Variants in ARID2 observed in about 807,000 individuals in gnomAD.
The protein encoded by ARID2 is AT-rich interaction domain 2.
In ARID2, 32 loss-of-function variants were observed where a neutral mutation model predicts 184.6. That is an observed-to-expected ratio of 0.17 (90% confidence interval 0.13 to 0.23). The LOEUF (loss-of-function observed/expected upper bound fraction) is 0.23. ARID2 is among the 10% of genes least tolerant of loss of function. ARID2 has a pLI of 1.00. For synonymous variants in ARID2, 836 were observed against 772.6 expected, an observed-to-expected ratio of 1.08 and a Z score of -1.36; for missense variants, 1,696 against 2,197.6, an observed-to-expected ratio of 0.77 and a Z score of 4.56.
rs544103235 is a variant in ARID2 at position 45,794,680 on chromosome 12, C to T, written c.285-16738C>T. Among the ~76,000 whole-genome samples, 13 of 152,282 alleles carry T rather than the reference C, an allele frequency of 8.5e-5. No individual in the cohort carries two copies. In the East Asian group the frequency reaches 1.9e-3, roughly 23 times the overall value. Reference sequence around the variant, plus strand: ...TGTTACCCTAATGGTAGAGGGCATTCGTCTTGCGTACTTTAATTGGTTAAA... The same window carrying T: ...TGTTACCCTAATGGTAGAGGGCATTTGTCTTGCGTACTTTAATTGGTTAAA... On this transcript the variant is annotated intron_variant, in intron 3 of 20. Transcript: ENST00000334344.
chr12:45,757,227 T>C (rs1413580220), intron 3 of ARID2, among the ~76,000 whole-genome samples: 1 of 152,216 alleles, frequency 6.6e-6, no homozygotes, highest in Admixed American at 6.5e-5. Flanking sequence ...GTGGAAAATG[T>C]GTTCTGTACT....
intron 4 of ARID2, among the ~76,000 whole-genome samples, chr12:45,817,099 G>T (rs934584648): frequency 6.6e-6 from 1 of 151,730 alleles, no homozygotes; most frequent in Non-Finnish European, 1.5e-5. Flanking sequence ...GCTCATGCAT[G>T]TAATGCAGCA....
Position 45,793,837 on chromosome 12 carries a change from T to G in ARID2, c.285-17581T>G, listed in dbSNP as rs142971739. ...GGTCTGCTGGTTTTAAAAAAAAAAG[T>G]CATTTCTTTTTTTTAGGAAATATTT... On this transcript the variant is annotated intron_variant, in intron 3 of 20. Coordinates refer to ENST00000334344, the MANE Select transcript of ARID2 (RefSeq NM_152641.4). Among the ~76,000 whole-genome samples, 43 of 152,064 alleles carry G rather than the reference T, an allele frequency of 2.8e-4. No homozygotes were observed. In the East Asian group the frequency reaches 8.1e-3, roughly 29 times the overall value.
chr12:45,730,437 G>A (rs931158016), intron 2 of ARID2, among the ~76,000 whole-genome samples: 10 of 147,554 alleles, frequency 6.8e-5, no homozygotes, highest in African/African-American at 1.5e-4. Context: ...ATGCGGGCGT[G>A]CGGGGCGCCA....
rs1404647118 is a variant in ARID2, at chr12:45,899,653, TTA to T, written c.5364-5267_5364-5266del. ...TTTGGTTATATATATATATATTTGGTTATATATATATATATGGTTATATATGG... is the reference window on the plus strand; with the variant it reads ...TTTGGTTATATATATATATATTTGGTTATATATATATATGGTTATATATGG... On this transcript the variant is annotated intron_variant, in intron 20 of 20. Coordinates refer to ENST00000334344, the MANE Select transcript of ARID2 (RefSeq NM_152641.4). Among the ~76,000 whole-genome samples the T allele has an allele frequency of 5.6e-4, 37 of 65,498 alleles. 1 individual carries two copies. Among genetic ancestry groups the T allele is most frequent in the South Asian group, 2.1e-3 (4 of 1,942 alleles). The allele number at this position is 65,498 out of a possible 152,430, so 43.0% of individuals were successfully genotyped here.
intron 12 of ARID2, among the ~76,000 whole-genome samples, 182 bp from the exon 13 acceptor site, chr12:45,848,654 T>G (rs1377724028): frequency 6.6e-6 from 1 of 152,108 alleles, no homozygotes; most frequent in Non-Finnish European, 1.5e-5. Context: ...ATAAGCATGT[T>G]AATCTATTGA....
At chr12:45,896,731 T>C (rs1021252767) in intron 20 of ARID2, among the ~76,000 whole-genome samples, 4 of 152,186 alleles carry the variant, frequency 2.6e-5, no homozygotes, top group African/African-American at 9.6e-5. Context: ...TGGAATGTGT[T>C]GAGCCTAACA....
At position 45,851,775 on chromosome 12, in the gene ARID2, C is replaced by A. The variant is rs1380782542; in HGVS notation, c.3652C>A (p.Pro1218Thr). 8.1e-6 allele frequency: 13 copies of A among 1,614,088 alleles called. No homozygotes were observed. Among genetic ancestry groups the A allele is most frequent in the Non-Finnish European group, 1.1e-5 (13 of 1,180,000 alleles). The change falls in exon 15 of 21, where the codon CCA becomes ACA. Residue 1218 changes from proline (P) to threonine (T), a missense_variant. Around this residue, in one of 11 missense-constraint regions of ARID2, gnomAD observed 428 missense variants for 409.1 expected, o/e 1.05. Transcript: ENST00000334344. ...AGTTGGACTTCCAGTACAAACGCTT[C>A]CAGCCACTCAAGCATCTCCTGCTGG... ...TGVGLPVQTL[P>T]ATQASPAGQS...
At chr12:45,776,055 T>C (rs1433473607) in intron 3 of ARID2, 2 of 168,676 alleles carry the variant, frequency 1.2e-5, no homozygotes, top group African/African-American at 4.8e-5. Context: ...TAGAGAACTT[T>C]TGACATGTTA....
Position 45,761,781 on chromosome 12 carries a change from T to C in ARID2, c.284+30467T>C, listed in dbSNP as rs137904637. On this transcript the variant is annotated intron_variant, in intron 3 of 20. Transcript: ENST00000334344. ...TTTCATATTGTGAATTCTGCAAAAT[T>C]CTGTCATTTTTTCAAATTCTTCTTC... 9.7e-4 allele frequency among the ~76,000 whole-genome samples: 147 copies of C among 152,252 alleles called. 4 individuals are homozygous for C. Among genetic ancestry groups the C allele is most frequent in the African/African-American group, 3.4e-3 (142 of 41,552 alleles).
chr12:45,800,317 A>G (rs1942473136), intron 3 of ARID2, among the ~76,000 whole-genome samples: 1 of 152,224 alleles, frequency 6.6e-6, no homozygotes, highest in Non-Finnish European at 1.5e-5. Context: ...TGAAGACACA[A>G]AGAACTGTAA....
intron 18 of ARID2, among the ~76,000 whole-genome samples, chr12:45,892,758 C>T (rs907152174): frequency 1.3e-5 from 2 of 151,976 alleles, no homozygotes; most frequent in African/African-American, 4.8e-5. Context: ...ACTATATCTG[C>T]TTGGTGAAAG....
At position 45,801,378 on chromosome 12, in the gene ARID2, A is replaced by G. The variant is rs148119891; in HGVS notation, c.285-10040A>G. Among the ~76,000 whole-genome samples, 554 of 152,272 alleles carry G rather than the reference A, an allele frequency of 3.6e-3. 3 individuals are homozygous for G. The highest frequency in any genetic ancestry group is 0.012 in the African/African-American group (503 of 41,570). On this transcript the variant is annotated intron_variant, in intron 3 of 20. Transcript: ENST00000334344. ...TTCACAGTGACTTAGTCGAGAATCA[A>G]TGGATGCTAAAACTAGCAGGTACAA... is the stretch of plus-strand genomic sequence containing the variant.
chr12:45,779,301 A>T (rs1378584230), intron 3 of ARID2, among the ~76,000 whole-genome samples: 2 of 152,124 alleles, frequency 1.3e-5, no homozygotes, highest in African/African-American at 4.8e-5. Flanking sequence ...CCAATTTAAC[A>T]TCCACTAGCA....
At chr12:45,856,142 T>G (rs896485043) in intron 15 of ARID2, among the ~76,000 whole-genome samples, 1 of 146,810 alleles carries the variant, frequency 6.8e-6, no homozygotes, top group African/African-American at 2.5e-5. Context: ...TGGCATGATG[T>G]CAGCTCACTG....
rs1292380202 is a variant in ARID2, at chr12:45,769,612, A to T, written c.284+38298A>T. Among the ~76,000 whole-genome samples the T allele has an allele frequency of 3.3e-5, 5 of 152,226 alleles. No homozygotes were observed. The South Asian group carries it at 1.0e-3, about 32-fold the overall frequency. On this transcript the variant is annotated intron_variant, in intron 3 of 20. Coordinates refer to ENST00000334344, the MANE Select transcript of ARID2 (RefSeq NM_152641.4). The stretch of plus-strand genomic sequence containing the variant: ...CCAGGAGAGAACAGAAAAGAACAGA[A>T]AATGGAAGAAGGACTGAACATTTTT...
At position 45,837,665 on chromosome 12, in the gene ARID2, G is replaced by A. The variant is rs761737924; in HGVS notation, c.1288G>A (p.Asp430Asn). ...EVLYMLTEMG[D>N]VACTKIAKVE... ...GCTATACATGCTCACGGAAATGGGAGATGTTGCTTGCACAAAAATTGCAAA... is the reference window on the plus strand; with the variant it reads ...GCTATACATGCTCACGGAAATGGGAAATGTTGCTTGCACAAAAATTGCAAA... The change falls in exon 10 of 21, where the codon GAT (aspartate) becomes AAT (asparagine). Residue 430 changes from aspartate to asparagine, a missense_variant. This residue lies in a region of ARID2 where 86 missense variants were observed against 200.8 expected (regional missense o/e 0.43). Coordinates refer to ENST00000334344, the MANE Select transcript of ARID2 (RefSeq NM_152641.4). The A allele has an allele frequency of 7.4e-6, 12 of 1,613,804 alleles. No individual in the cohort carries two copies. The highest frequency in any genetic ancestry group is 9.3e-6 in the Non-Finnish European group (11 of 1,179,732).
intron 3 of ARID2, among the ~76,000 whole-genome samples, chr12:45,742,656 A>G (rs1941285937): frequency 6.6e-6 from 1 of 152,186 alleles, no homozygotes; most frequent in Admixed American, 6.5e-5. Flanking sequence ...TCGTGTAGCT[A>G]TATCCTAGTT....
At chr12:45,829,993 C>G (rs1943082317) in intron 6 of ARID2, among the ~76,000 whole-genome samples, 1 of 146,292 alleles carries the variant, frequency 6.8e-6, no homozygotes, top group Admixed American at 6.8e-5. Context: ...TTAGATTTGC[C>G]CTTTTGATCT....
Sources: gnomAD v4.1 joint callset for allele counts (sites outside exome capture counted in the v4.1 genomes callset) on GRCh38, gnomAD v4.1.1 for gene constraint, gnomAD v4.1.1 regional missense constraint, MANE v1.5 for transcripts, NCBI Gene and HGNC (gene_info 2026-07-23, HGNC 2026-07-21) for gene names.